Variants in HDX observed in about 807,000 individuals in gnomAD.
HDX encodes highly divergent homeobox, also known as chromosome X open reading frame 43.
A neutral mutation model predicts 45.2 loss-of-function variants in HDX; 19 were observed. The ratio of observed to expected loss-of-function variants is 0.42; its 90% confidence interval spans 0.29 to 0.62. HDX has a LOEUF of 0.62. HDX is among the 20% of genes least tolerant of loss of function. HDX has a pLI of 0.20. For synonymous variants in HDX, 188 were observed against 172.8 expected (o/e 1.09, Z -0.69); for missense variants, 532 against 493.9 (o/e 1.08, Z -0.73).
At chrX:84,427,391 A>C (rs897565469) in intron 5 of HDX, among the ~76,000 whole-genome samples, 1 of 111,344 alleles carries the variant, frequency 9.0e-6, no homozygotes, top group Non-Finnish European at 1.9e-5. Flanking sequence ...TAAAGAAACT[A>C]TCACCAAATC....
At chrX:84,340,710 A>G (rs956392643) in intron 7 of HDX, among the ~76,000 whole-genome samples, 2 of 111,103 alleles carry the variant, frequency 1.8e-5, no homozygotes, top group South Asian at 7.6e-4. Context: ...TGTACCAAAA[A>G]GGGCTGTTTT....
At chrX:84,354,480 T>C (rs747993541) in intron 6 of HDX, among the ~76,000 whole-genome samples, 1 of 111,226 alleles carries the variant, frequency 9.0e-6, no homozygotes, top group Non-Finnish European at 1.9e-5. Flanking sequence ...CAAACACTGT[T>C]TCTGGTGCTT....
intron 4 of HDX, among the ~76,000 whole-genome samples, chrX:84,452,073 A>G (rs780787226): frequency 2.7e-4 from 30 of 111,591 alleles, no homozygotes; most frequent in Non-Finnish European, 4.7e-4. Flanking sequence ...ACTGAATGAT[A>G]AAGGCTGAAA....
chrX:84,387,701 G>C (rs754068245), intron 5 of HDX, among the ~76,000 whole-genome samples: 16 of 111,443 alleles, frequency 1.4e-4, no homozygotes, highest in African/African-American at 5.2e-4. Flanking sequence ...TTTTGAGCCT[G>C]GGTGTGCTGT....
At chrX:84,382,911 A>G (rs753664785) in intron 5 of HDX, among the ~76,000 whole-genome samples, 1 of 111,436 alleles carries the variant, frequency 9.0e-6, no homozygotes, top group East Asian at 2.8e-4. Flanking sequence ...CCCATTCTCC[A>G]TGATGTGCTT....
chrX:84,476,369 C>A (rs1466839831), intron 2 of HDX, among the ~76,000 whole-genome samples: 1 of 109,114 alleles, frequency 9.2e-6, no homozygotes, highest in African/African-American at 3.3e-5. Context: ...AAAAGCGTCT[C>A]CTCAAAATTA....
chrX:84,460,118 A>C (rs2040206657), intron 4 of HDX, among the ~76,000 whole-genome samples: 1 of 111,774 alleles, frequency 8.9e-6, no homozygotes, highest in Non-Finnish European at 1.9e-5. Flanking sequence ...TTTAAGAACT[A>C]ATACCATTGC....
intron 3 of HDX, among the ~76,000 whole-genome samples, chrX:84,473,441 A>T (rs2148149491): frequency 9.1e-6 from 1 of 110,222 alleles, no homozygotes; most frequent in East Asian, 2.9e-4. Context: ...TGGGATTTAG[A>T]TAAAGAAGAC....
chrX:84,451,202 C>A (rs921633405), intron 4 of HDX, among the ~76,000 whole-genome samples: 1 of 110,558 alleles, frequency 9.0e-6, no homozygotes, highest in Non-Finnish European at 1.9e-5. Context: ...ACAAAATAGA[C>A]ACTAAAAATA....
chrX:84,367,443 C>T (rs3976216), intron 5 of HDX, among the ~76,000 whole-genome samples: 1 of 111,902 alleles, frequency 8.9e-6, no homozygotes, highest in Non-Finnish European at 1.9e-5. Flanking sequence ...GACAGTGTGG[C>T]AATTACTCAA....
intron 6 of HDX, among the ~76,000 whole-genome samples, chrX:84,352,280 A>G (rs1377534097): frequency 2.7e-5 from 3 of 112,084 alleles, no homozygotes; most frequent in African/African-American, 9.7e-5. Context: ...TATGAAATGT[A>G]GTTCCTTGGA....
intron 2 of HDX, among the ~76,000 whole-genome samples, chrX:84,487,366 G>A (rs1483191665): frequency 8.9e-6 from 1 of 111,990 alleles, no homozygotes; most frequent in African/African-American, 3.2e-5. Flanking sequence ...TTCTATTTTG[G>A]TTCTTTTGAA....
chrX:84,356,624 T>C (rs1204620900), intron 6 of HDX, among the ~76,000 whole-genome samples: 48 of 87,130 alleles, frequency 5.5e-4, no homozygotes, highest in African/African-American at 1.9e-3. Flanking sequence ...CTTTTTTTTT[T>C]TTTTTTTTTT....
At chrX:84,456,633 C>A (rs909939937) in intron 4 of HDX, among the ~76,000 whole-genome samples, 3 of 111,062 alleles carry the variant, frequency 2.7e-5, no homozygotes, top group African/African-American at 9.8e-5. Context: ...CTACAAAAAA[C>A]ACACTCCACC....
At chrX:84,375,048 GA>G (rs2038013130) in intron 5 of HDX, among the ~76,000 whole-genome samples, 1 of 104,339 alleles carries the variant, frequency 9.6e-6, no homozygotes, top group African/African-American at 3.5e-5. Context: ...AAATTTACAA[GA>G]AAAAAACAAA....
intron 5 of HDX, among the ~76,000 whole-genome samples, chrX:84,371,621 G>T (rs889721692): frequency 9.0e-6 from 1 of 111,684 alleles, no homozygotes; most frequent in African/African-American, 3.3e-5. Flanking sequence ...TTAAAGCAGG[G>T]TGTCACAGCC....
intron 5 of HDX, among the ~76,000 whole-genome samples, chrX:84,370,418 C>T (rs2037865638): frequency 9.0e-6 from 1 of 111,585 alleles, no homozygotes; most frequent in Non-Finnish European, 1.9e-5. Context: ...CTCTGGAGAT[C>T]GCTGCCTAAT....
chrX:84,390,841 C>T (rs1419401285), intron 5 of HDX, among the ~76,000 whole-genome samples: 2 of 111,760 alleles, frequency 1.8e-5, no homozygotes, highest in Non-Finnish European at 3.8e-5. Flanking sequence ...CTTATTGGGA[C>T]ATAATATTTT....
In HDX at chrX:84,335,532, G is replaced by A. The variant is rs181030918; in HGVS notation, c.1740+1269C>T. 2.7e-3 allele frequency among the ~76,000 whole-genome samples: 306 copies of A among 111,314 alleles called. 1 individual carries two copies. Among genetic ancestry groups the A allele is most frequent in the Non-Finnish European group, 4.9e-3 (258 of 52,819 alleles). On this transcript the variant is annotated intron_variant, in intron 8 of 10. Transcript: ENST00000373177. Reference sequence around the variant, plus strand: ...ATATCTGCTGCAAAGGAGATTCAACGCAGAGAAATTCAGGCTACAAATGAG... The same window carrying A: ...ATATCTGCTGCAAAGGAGATTCAACACAGAGAAATTCAGGCTACAAATGAG...
Sources: allele counts gnomAD v4.1 joint callset (sites outside exome capture counted in the v4.1 genomes callset), GRCh38; gene constraint gnomAD v4.1.1; transcripts MANE v1.5; gene names NCBI Gene and HGNC (gene_info 2026-07-23, HGNC 2026-07-21).